The following COL11A2 variants were observed in gnomAD, a reference collection of about 807,000 sequenced individuals.
COL11A2 encodes the protein collagen type XI alpha 2 chain.
A neutral mutation model predicts 273.4 loss-of-function variants in COL11A2; 116 were observed. The ratio of observed to expected loss-of-function variants is 0.42; its 90% confidence interval spans 0.36 to 0.49. The LOEUF (loss-of-function observed/expected upper bound fraction) is 0.49, where lower values mean the gene tolerates loss of function less well. Among genes scored for constraint, COL11A2 ranks in the 20% least tolerant of loss-of-function variants. COL11A2 has a pLI of 0.00. For missense variants in COL11A2, 1,866 were observed against 2,309.0 expected, an observed-to-expected ratio of 0.81 and a Z score of 3.93; for synonymous variants, 782 against 864.2, an observed-to-expected ratio of 0.90 and a Z score of 1.67.
chr6:33,188,904 T>C (rs1029730348), intron 3 of COL11A2, 74 bp downstream of exon 3: 1 of 1,520,582 alleles, frequency 6.6e-7, no homozygotes, highest in Non-Finnish European at 9.1e-7. Context: ...TTTCACAGTT[T>C]AGAGTGTAGG....
rs1321232058 is a variant in COL11A2 at position 33,167,269 on chromosome 6, G to A, written c.4171C>T (p.Pro1391Ser). The change falls in exon 57 of 66, where the codon CCT becomes TCT. Residue 1391 changes from proline to serine, a missense_variant. Transcript: ENST00000341947. The surrounding 1 kb of genome is among the most constrained non-coding windows in gnomAD (Gnocchi z 6.1). ...GCCCAATCCCAGTCACTCACCACAG[G>A]ACCTGGGGGCCCAGCCTGGCCTGTA... The part of the protein sequence containing the change: ...GATGQAGPPG[P>S]VGPPGLPGLR... 6.2e-7 allele frequency: 1 copy of A among 1,614,028 alleles called. No individual in the cohort carries two copies. Among genetic ancestry groups the A allele is most frequent in the Non-Finnish European group, 8.5e-7 (1 of 1,180,014 alleles).
At chr6:33,191,135 G>T (rs41317106) in intron 1 of COL11A2, among the ~76,000 whole-genome samples, 1 of 151,978 alleles carries the variant, frequency 6.6e-6, no homozygotes, top group Non-Finnish European at 1.5e-5. Flanking sequence ...CATGCCAGAG[G>T]ATCCCTCTTC....
In COL11A2 at chr6:33,167,729, T is replaced by C; in HGVS notation, c.4014+70A>G. 1 of 1,583,626 alleles carries C rather than the reference T, an allele frequency of 6.3e-7. No individual in the cohort carries two copies. The highest frequency in any genetic ancestry group is 8.6e-7 in the Non-Finnish European group (1 of 1,157,348). ...GAGAGGTGGAGATGGGGTGGGCATC[T>C]GGAGACGGAGGCATCTGAGGGGTGG... On this transcript the variant is annotated intron_variant, in intron 55 of 65. Coordinates refer to ENST00000341947, the MANE Select transcript of COL11A2 (RefSeq NM_080680.3). The surrounding 1 kb of genome is among the most constrained non-coding windows in gnomAD (Gnocchi z 6.1).
In COL11A2 at chr6:33,176,907, G is replaced by A; in HGVS notation, c.2070+85C>T. The A allele has an allele frequency of 3.9e-6, 6 of 1,532,652 alleles. No homozygotes were observed. The highest frequency in any genetic ancestry group is 5.3e-6 in the Non-Finnish European group (6 of 1,121,514). 94.9% of individuals were successfully genotyped at this position (1,532,652 alleles called of 1,614,324 possible). On this transcript the variant is annotated intron_variant, in intron 25 of 65. Transcript: ENST00000341947. This position sits in a 1 kb window ranked among gnomAD's most constrained non-coding sequence, Gnocchi z 4.9. Reference sequence around the variant, plus strand: ...CAAGCACCACCAGTGACCTTTCAGTGCAAGGGTCACTAAAGGAGCTCTGAG... The same window carrying A: ...CAAGCACCACCAGTGACCTTTCAGTACAAGGGTCACTAAAGGAGCTCTGAG...
At chr6:33,184,353 A>T in intron 7 of COL11A2, 29 bp from the exon 8 acceptor site, 1 of 1,348,612 alleles carries the variant, frequency 7.4e-7, no homozygotes, top group South Asian at 1.1e-5. Context: ...GGAGAGGGGT[A>T]GATGGGGATG....
rs748820551 is a variant in COL11A2, at chr6:33,176,959, G to A, written c.2070+33C>T. 3 of 1,604,240 alleles carry A rather than the reference G, an allele frequency of 1.9e-6. No individual in the cohort carries two copies. The highest frequency in any genetic ancestry group is 2.6e-6 in the Non-Finnish European group (3 of 1,175,284). ...TCATGCACTGGGGTGGAAGGCCAAG[G>A]GGAACTGGATTCGGAAGTGGGGTCC... is the stretch of plus-strand genomic sequence containing the variant. On this transcript the variant is annotated intron_variant, in intron 25 of 65. Coordinates refer to ENST00000341947, the MANE Select transcript of COL11A2 (RefSeq NM_080680.3). This position sits in a 1 kb window ranked among gnomAD's most constrained non-coding sequence, Gnocchi z 4.9.
chr6:33,182,066 G>A (rs1248235663), intron 8 of COL11A2, among the ~76,000 whole-genome samples: 2 of 152,118 alleles, frequency 1.3e-5, no homozygotes, highest in East Asian at 3.9e-4. Flanking sequence ...CCTGAGGTCA[G>A]GAGTTTGAGA....
intron 11 of COL11A2, 30 bp downstream of exon 11, chr6:33,180,638 T>C (rs1771601504): frequency 6.3e-7 from 1 of 1,578,702 alleles, no homozygotes; most frequent in African/African-American, 1.4e-5. Context: ...CCCCCGAAGC[T>C]CCCCCGTCAC....
intron 54 of COL11A2, among the ~76,000 whole-genome samples, chr6:33,168,097 C>T (rs1212180635): frequency 3.3e-5 from 5 of 152,150 alleles, no homozygotes; most frequent in Admixed American, 2.6e-4. Flanking sequence ...GGCCCGTCTC[C>T]TGCCCCAGAA....
intron 29 of COL11A2, 61 bp downstream of exon 29, chr6:33,175,955 G>A (rs144291897): frequency 3.1e-4 from 485 of 1,585,154 alleles, no homozygotes; most frequent in African/African-American, 2.4e-3. Context: ...GGTGCTTGGC[G>A]TCTCCAGAGT....
At chr6:33,184,936 G>A (rs1443075084) in intron 7 of COL11A2, 56 bp downstream of exon 7, 38 of 1,423,106 alleles carry the variant, frequency 2.7e-5, no homozygotes, top group African/African-American at 7.1e-5. Context: ...GCTGAGGGGA[G>A]TGAGTCACAG....
chr6:33,182,288 A>C (rs902945779), intron 8 of COL11A2, among the ~76,000 whole-genome samples: 2 of 152,228 alleles, frequency 1.3e-5, no homozygotes, highest in African/African-American at 4.8e-5. Context: ...GAAAAAAAAG[A>C]ATCTGATGAA....
Position 33,165,586 on chromosome 6 carries a change from G to A in COL11A2, c.4713C>T (p.Cys1571=). ...TGTQDSPART[C]QDLKLCHPEL... is the part of the protein sequence containing the mutation. Reference sequence around the variant, plus strand: ...CTGGGTGGCACAGCTTCAGGTCCTGGCAGGTGCGAGCAGGGCTGTCCTGGG... The same window carrying A: ...CTGGGTGGCACAGCTTCAGGTCCTGACAGGTGCGAGCAGGGCTGTCCTGGG... The change falls in exon 63 of 66, where the codon TGC becomes TGT. Residue 1571 remains cysteine (C), a synonymous_variant. Transcript: ENST00000341947. This position sits in a 1 kb window ranked among gnomAD's most constrained non-coding sequence, Gnocchi z 7.7. 1 of 1,613,432 alleles carries A rather than the reference G, an allele frequency of 6.2e-7. No individual in the cohort carries two copies. The highest frequency in any genetic ancestry group is 8.5e-7 in the Non-Finnish European group (1 of 1,180,004).
In COL11A2 at chr6:33,171,759, G is replaced by C; in HGVS notation, c.3104C>G (p.Pro1035Arg). 1 of 1,612,868 alleles carries C rather than the reference G, an allele frequency of 6.2e-7. No individual in the cohort carries two copies. Among genetic ancestry groups the C allele is most frequent in the Non-Finnish European group, 8.5e-7 (1 of 1,179,956 alleles). Reference protein sequence around the residue: ...SGGPIGPPGRPGPQGPPGAAG... With the variant: ...SGGPIGPPGRRGPQGPPGAAG... ...TGCTCCAGGGGGACCCTGCGGGCCT[G>C]GGCGCCCTGGCGGACCAATGGGTCC... is the stretch of plus-strand genomic sequence containing the variant. Residue 1035 changes from proline (P) to arginine (R), a missense_variant, in exon 42 of 66, where the codon CCA (proline) becomes CGA (arginine). By Grantham distance (103) the Pro-to-Arg change is moderately radical. Coordinates refer to ENST00000341947, the MANE Select transcript of COL11A2 (RefSeq NM_080680.3).
Position 33,184,211 on chromosome 6 carries a change from C to T in COL11A2, c.1053G>A (p.Gly351=), listed in dbSNP as rs1012481521. The change falls in exon 8 of 66, where the codon GGG becomes GGA. Residue 351 remains glycine, a synonymous_variant. Transcript: ENST00000341947. ...GCTCTGTCTCCTCACGATAATCATC[C>T]CCATAGCCATAGGTGTAATCGTAGG... ...EGPYDYTYGY[G]DDYREETELG... 1.5e-6 allele frequency: 2 copies of T among 1,367,458 alleles called. No individual in the cohort carries two copies. The highest frequency in any genetic ancestry group is 1.5e-5 in the African/African-American group (1 of 67,708). The allele number at this position is 1,367,458 out of a possible 1,614,324, so 84.7% of individuals were successfully genotyped here. A position where few individuals can be genotyped will look rare whatever the true frequency, so the allele number is the denominator to read the frequency against.
At chr6:33,183,702 T>C (rs1772001450) in intron 8 of COL11A2, among the ~76,000 whole-genome samples, 1 of 152,070 alleles carries the variant, frequency 6.6e-6, no homozygotes, top group Non-Finnish European at 1.5e-5. Flanking sequence ...AAGTGGCCTG[T>C]AGGTTAAAAA....
In COL11A2 at chr6:33,173,714, G is replaced by A; in HGVS notation, c.2615C>T (p.Pro872Leu). 1.1e-5 allele frequency: 18 copies of A among 1,574,976 alleles called. No homozygotes were observed. Among genetic ancestry groups the A allele is most frequent in the Non-Finnish European group, 1.6e-5 (18 of 1,159,184 alleles). The change falls in exon 35 of 66, where the codon CCC (proline) becomes CTC (leucine). Residue 872 changes from proline to leucine, a missense_variant. Physicochemically the swap from Pro to Leu is moderately conservative, Grantham distance 98. Coordinates refer to ENST00000341947, the MANE Select transcript of COL11A2 (RefSeq NM_080680.3). The surrounding 1 kb of genome is among the most constrained non-coding windows in gnomAD (Gnocchi z 6.3). ...ATCCACACTCACCCTCTCTCCAGGG[G>A]GCCCATGGGGGCCATCACCACCAGA... is the stretch of plus-strand genomic sequence containing the variant. ...GTSGGDGPHG[P>L]PGERGLPGPQ...
In COL11A2 at chr6:33,164,530, G is replaced by A; in HGVS notation, c.4864-57C>T. 7.8e-6 allele frequency: 11 copies of A among 1,411,564 alleles called. No homozygotes were observed. The highest frequency in any genetic ancestry group is 2.3e-5 in the Admixed American group (1 of 43,296). The allele number at this position is 1,411,564 out of a possible 1,614,324, so 87.4% of individuals were successfully genotyped here. On this transcript the variant is annotated intron_variant, in intron 64 of 65. Coordinates refer to ENST00000341947, the MANE Select transcript of COL11A2 (RefSeq NM_080680.3). This position sits in a 1 kb window ranked among gnomAD's most constrained non-coding sequence, Gnocchi z 4.7. ...GGGAGAGAGAGGGCTGGCCTCAGAG[G>A]GAGACAGAGACGGGCCTCAGGAGCA...
Position 33,170,025 on chromosome 6 carries a change from C to A in COL11A2, c.3636+22G>T, listed in dbSNP as rs1333424211. 3.1e-6 allele frequency: 5 copies of A among 1,613,136 alleles called. No homozygotes were observed. Among genetic ancestry groups the A allele is most frequent in the African/African-American group, 1.3e-5 (1 of 74,932 alleles). ...CCATCCCCCACTTCCATGACTGGTC[C>A]ACTCACCCCCTTCCCAGTTACCTTC... On this transcript the variant is annotated intron_variant, in intron 49 of 65. Transcript: ENST00000341947. The surrounding 1 kb of genome is among the most constrained non-coding windows in gnomAD (Gnocchi z 4.3).
Sources: gnomAD v4.1 joint callset for allele counts (sites outside exome capture counted in the v4.1 genomes callset) on GRCh38, gnomAD v4.1.1 for gene constraint, Gnocchi (gnomAD v3.1) non-coding constraint, MANE v1.5 for transcripts, NCBI Gene and HGNC (gene_info 2026-07-23, HGNC 2026-07-21) for gene names.